Variants in MALRD1 observed in about 807,000 individuals in gnomAD.
MALRD1 encodes the protein MAM and LDL-receptor class A domain-containing protein 1.
A neutral mutation model predicts 242.1 loss-of-function variants in MALRD1; 247 were observed. The ratio of observed to expected loss-of-function variants is 1.02; its 90% CI spans 0.92 to 1.13. The LOEUF (loss-of-function observed/expected upper bound fraction) is 1.13. MALRD1 is among the 50% of genes most tolerant of loss of function. The pLI is 0.00. For synonymous variants in MALRD1, 995 were observed against 866.6 expected (o/e 1.15, Z -2.60); for missense variants, 2,989 against 2,533.1 (o/e 1.18, Z -3.86).
rs960624788 is a variant in MALRD1, at chr10:19,133,185, A to G, written c.1111-671A>G. On this transcript the variant is annotated intron_variant, in intron 8 of 39. Transcript: ENST00000454679. ...TACATTCAATACATGTTTTGAATGCAGTAAAGGCTTGTTACTACACTCATA... is the reference window on the plus strand; with the variant it reads ...TACATTCAATACATGTTTTGAATGCGGTAAAGGCTTGTTACTACACTCATA... Among the ~76,000 whole-genome samples the G allele has an allele frequency of 2.0e-5, 3 of 152,306 alleles. No homozygotes were observed. In the South Asian group the frequency reaches 6.2e-4, roughly 32 times the overall value.
intron 32 of MALRD1, among the ~76,000 whole-genome samples, chr10:19,543,797 C>A (rs1056196931): frequency 6.6e-6 from 1 of 152,092 alleles, no homozygotes; most frequent in South Asian, 2.1e-4. Flanking sequence ...TTTGCCTTTA[C>A]AAATCAACTT....
intron 26 of MALRD1, among the ~76,000 whole-genome samples, chr10:19,372,949 CATT>C (rs1384145872): frequency 6.6e-6 from 1 of 152,020 alleles, no homozygotes; most frequent in African/African-American, 2.4e-5. Context: ...TTTTCGCTAT[CATT>C]ATATTCCTCA....
intron 32 of MALRD1, among the ~76,000 whole-genome samples, chr10:19,532,550 C>A (rs909089138): frequency 6.6e-6 from 1 of 152,058 alleles, no homozygotes; most frequent in African/African-American, 2.4e-5. Flanking sequence ...CACCATGCCC[C>A]CCTTCTCAAA....
At chr10:19,048,638 G>A (rs1017972433), upstream of MALRD1, 2 of 210,176 alleles carry the variant, frequency 9.5e-6, no homozygotes, top group Non-Finnish European at 1.9e-5. Flanking sequence ...TCTTTCAGGA[G>A]ATAGCAAGAC....
intron 11 of MALRD1, among the ~76,000 whole-genome samples, chr10:19,149,933 C>T (rs773265397): frequency 6.6e-6 from 1 of 152,122 alleles, no homozygotes. Flanking sequence ...GGAATCATAT[C>T]ATATGTAGCA....
chr10:19,106,912 T>G, intron 5 of MALRD1, among the ~76,000 whole-genome samples: 1 of 152,000 alleles, frequency 6.6e-6, no homozygotes, highest in East Asian at 1.9e-4. Context: ...GGGGTACGAT[T>G]AATTTTCATG....
intron 5 of MALRD1, among the ~76,000 whole-genome samples, chr10:19,106,975 G>A (rs182340186): frequency 4.9e-4 from 74 of 151,880 alleles, no homozygotes; most frequent in Admixed American, 2.2e-3. Context: ...GTTTTATTCC[G>A]TTTTGGCTGG....
chr10:19,249,243 G>C (rs1180995807), intron 18 of MALRD1, among the ~76,000 whole-genome samples: 1 of 151,564 alleles, frequency 6.6e-6, no homozygotes, highest in Non-Finnish European at 1.5e-5. Flanking sequence ...GGAAAAAGGA[G>C]GACAGTCATG....
intron 15 of MALRD1, 55 bp from the exon 16 acceptor site, chr10:19,204,253 A>G: frequency 3.5e-6 from 4 of 1,142,886 alleles, no homozygotes; most frequent in South Asian, 1.5e-5. Context: ...CAGATGTCTC[A>G]TTTTAGAATC....
intron 33 of MALRD1, among the ~76,000 whole-genome samples, chr10:19,584,064 G>A (rs1394761081): frequency 1.3e-5 from 2 of 150,396 alleles, no homozygotes; most frequent in African/African-American, 2.4e-5. Flanking sequence ...TGGGATCGGT[G>A]GTGATATCCC....
At chr10:19,508,770 C>A (rs1833264248) in intron 31 of MALRD1, among the ~76,000 whole-genome samples, 1 of 152,132 alleles carries the variant, frequency 6.6e-6, no homozygotes, top group Non-Finnish European at 1.5e-5. Flanking sequence ...TATTCTAAAA[C>A]TACATATGTG....
chr10:19,096,794 ATCCT>A (rs1836051741), intron 4 of MALRD1, among the ~76,000 whole-genome samples: 2 of 152,212 alleles, frequency 1.3e-5, no homozygotes, highest in African/African-American at 4.8e-5. Context: ...AAAGCCATGC[ATCCT>A]TCCTTTAAAA....
intron 34 of MALRD1, among the ~76,000 whole-genome samples, chr10:19,599,036 G>A (rs1838234724): frequency 6.6e-6 from 1 of 152,182 alleles, no homozygotes. Context: ...TTTTTACGGA[G>A]TAGGAGGGCA....
chr10:19,663,389 G>A (rs182790059), intron 36 of MALRD1, among the ~76,000 whole-genome samples: 1 of 152,190 alleles, frequency 6.6e-6, no homozygotes, highest in East Asian at 1.9e-4. Context: ...GTATTCCATG[G>A]TATATATGTG....
chr10:19,218,512 T>C (rs566125615), intron 18 of MALRD1, among the ~76,000 whole-genome samples: 1 of 152,322 alleles, frequency 6.6e-6, no homozygotes, highest in African/African-American at 2.4e-5. Context: ...TTTATGTGGT[T>C]AATTTCATGA....
chr10:19,678,239 A>G (rs1016782899), intron 36 of MALRD1, among the ~76,000 whole-genome samples: 4 of 152,140 alleles, frequency 2.6e-5, no homozygotes, highest in Non-Finnish European at 5.9e-5. Flanking sequence ...AATAGCAGTG[A>G]ATTTATAAAT....
intron 29 of MALRD1, among the ~76,000 whole-genome samples, chr10:19,474,040 G>T (rs10740907): frequency 1.3e-5 from 2 of 151,808 alleles, no homozygotes; most frequent in African/African-American, 4.8e-5. Flanking sequence ...AGTGTAAGAT[G>T]GTATCTAGTT....
intron 38 of MALRD1, among the ~76,000 whole-genome samples, chr10:19,692,887 A>ATATATATATATAT (rs1307361084): frequency 5.2e-5 from 2 of 38,570 alleles, no homozygotes; most frequent in African/African-American, 4.1e-4. Flanking sequence ...ATATATATAT[A>ATATATATATATAT]ATTTCATCCC....
At chr10:19,515,624 A>G (rs1833592648) in intron 31 of MALRD1, among the ~76,000 whole-genome samples, 1 of 151,764 alleles carries the variant, frequency 6.6e-6, no homozygotes, top group Non-Finnish European at 1.5e-5. Context: ...CAGTGGCCCG[A>G]TCTTAGCTCA....
Sources: gnomAD v4.1 joint callset for allele counts (sites outside exome capture counted in the v4.1 genomes callset) on GRCh38, gnomAD v4.1.1 for gene constraint, MANE v1.5 for transcripts, NCBI Gene and HGNC (gene_info 2026-07-23, HGNC 2026-07-21) for gene names.